Variants in BBS9 observed in about 807,000 individuals in gnomAD.
The protein encoded by BBS9 is protein PTHB1.
BBS9 carries 89 observed loss-of-function variants against 117.7 expected under a neutral mutation model. The ratio of observed to expected loss-of-function variants is 0.76; its 90% CI spans 0.64 to 0.90. BBS9 has a LOEUF of 0.90. BBS9 is among the 40% of genes least tolerant of loss of function. The probability of loss-of-function intolerance (pLI) is 0.00; values close to 1 mark genes in which losing one functional copy is unlikely to be tolerated. For synonymous variants in BBS9, 379 were observed against 370.9 expected (o/e 1.02, Z -0.25); for missense variants, 982 against 1,042.2 (o/e 0.94, Z 0.80).
At chr7:33,198,131 C>T (rs721533) in intron 5 of BBS9, among the ~76,000 whole-genome samples, 126,753 of 151,912 alleles carry the variant, frequency 0.83, 52,879 homozygotes, top group Admixed American at 0.87. Context: ...TTGAAATTTG[C>T]GAACATGAAC....
intron 13 of BBS9, among the ~76,000 whole-genome samples, chr7:33,350,941 A>C (rs901382372): frequency 2.6e-5 from 4 of 152,022 alleles, no homozygotes; most frequent in African/African-American, 7.2e-5. Context: ...TGATCCGCCC[A>C]CCTAGGCCTC....
intron 21 of BBS9, among the ~76,000 whole-genome samples, chr7:33,558,514 A>G (rs1855627498): frequency 6.6e-6 from 1 of 152,140 alleles, no homozygotes; most frequent in African/African-American, 2.4e-5. Flanking sequence ...GGGGAGAATG[A>G]TGTGAGATGG....
chr7:33,179,927 C>T (rs1797861381), intron 5 of BBS9, among the ~76,000 whole-genome samples: 1 of 152,130 alleles, frequency 6.6e-6, no homozygotes, highest in Admixed American at 6.6e-5. Context: ...AGTTCTTTGT[C>T]CTTCATTTTA....
intron 5 of BBS9, among the ~76,000 whole-genome samples, chr7:33,244,094 G>T (rs1439802682): frequency 6.6e-6 from 1 of 152,114 alleles, no homozygotes; most frequent in African/African-American, 2.4e-5. Context: ...GCCAGAAGTG[G>T]TGCCACATGG....
chr7:33,270,270 G>A (rs943709452), intron 7 of BBS9, among the ~76,000 whole-genome samples: 7 of 152,098 alleles, frequency 4.6e-5, no homozygotes, highest in Non-Finnish European at 7.3e-5. Flanking sequence ...AAAAAAACCA[G>A]TGCAAGAACT....
At chr7:33,295,708 C>T (rs897146284) in intron 9 of BBS9, among the ~76,000 whole-genome samples, 6 of 151,884 alleles carry the variant, frequency 4.0e-5, no homozygotes, top group Non-Finnish European at 7.4e-5. Flanking sequence ...GATATGGTTT[C>T]TTGATAAATC....
intron 19 of BBS9, among the ~76,000 whole-genome samples, chr7:33,427,845 A>G (rs924764224): frequency 6.6e-6 from 1 of 152,124 alleles, no homozygotes; most frequent in Admixed American, 6.5e-5. Context: ...TAAGCGTAGG[A>G]TATTTTCTTA....
At chr7:33,476,373 G>C (rs1841806038) in intron 19 of BBS9, among the ~76,000 whole-genome samples, 1 of 152,168 alleles carries the variant, frequency 6.6e-6, no homozygotes, top group African/African-American at 2.4e-5. Context: ...TATCTTAGAG[G>C]GATGCAGGCA....
At chr7:33,600,368 G>C (rs1037359512) in intron 21 of BBS9, among the ~76,000 whole-genome samples, 8 of 148,922 alleles carry the variant, frequency 5.4e-5, no homozygotes, top group African/African-American at 2.0e-4. Flanking sequence ...CAAAAGTATT[G>C]GTTTAGATAG....
chr7:33,289,969 C>G (rs2128396937), intron 9 of BBS9, among the ~76,000 whole-genome samples: 1 of 151,954 alleles, frequency 6.6e-6, no homozygotes, highest in African/African-American at 2.4e-5. Flanking sequence ...TCACTTGAAC[C>G]TGGGAGGCAG....
intron 19 of BBS9, among the ~76,000 whole-genome samples, chr7:33,406,440 A>G (rs1464819948): frequency 2.0e-5 from 3 of 151,726 alleles, no homozygotes; most frequent in African/African-American, 7.3e-5. Context: ...TTACATTTAA[A>G]GTTAATAGTG....
intron 19 of BBS9, chr7:33,390,375 G>C: frequency 1.0e-6 from 1 of 985,248 alleles, no homozygotes; most frequent in African/African-American, 1.7e-5. Context: ...TTAGCCTCAA[G>C]GTTGAGGTTT....
At chr7:33,613,733 T>C (rs781663369) in intron 21 of BBS9, among the ~76,000 whole-genome samples, 60 of 152,130 alleles carry the variant, frequency 3.9e-4, no homozygotes, top group Non-Finnish European at 8.4e-4. Context: ...TCAGAGTATA[T>C]AGTATTCCCT....
rs116365136 is a variant in BBS9, at chr7:33,614,557, G to A, written c.2522-20620G>A. ...GCAAACCACTGCCCTGTGGTTTGGA[G>A]AAAAATACAGGTGCATACAGAGAAT... On this transcript the variant is annotated intron_variant, in intron 21 of 21. Transcript: ENST00000671952. 5.2e-3 allele frequency among the ~76,000 whole-genome samples: 793 copies of A among 152,110 alleles called. 7 individuals carry two copies. Among genetic ancestry groups the A allele is most frequent in the African/African-American group, 0.019 (775 of 41,508 alleles).
chr7:33,291,345 C>T (rs1312386034), intron 9 of BBS9, among the ~76,000 whole-genome samples: 1 of 152,082 alleles, frequency 6.6e-6, no homozygotes, highest in East Asian at 1.9e-4. Flanking sequence ...TAATTTTTGT[C>T]CAGGTTACCT....
At chr7:33,211,488 T>C (rs1165530182) in intron 5 of BBS9, among the ~76,000 whole-genome samples, 1 of 152,148 alleles carries the variant, frequency 6.6e-6, no homozygotes, top group Non-Finnish European at 1.5e-5. Flanking sequence ...TTTTTGTTTA[T>C]TTTTGATTGT....
chr7:33,225,341 G>A lies in BBS9; in HGVS notation c.443-31895G>A, dbSNP rs553378720. ...GCCTCCCAAGTAGTTGGGACCACTG[G>A]TACCTGCTACCATGCCTAACTTTTT... is the stretch of plus-strand genomic sequence containing the variant. On this transcript the variant is annotated intron_variant, in intron 5 of 22. Transcript: ENST00000242067. 4.6e-5 allele frequency among the ~76,000 whole-genome samples: 7 copies of A among 152,216 alleles called. No individual in the cohort carries two copies. The East Asian group carries it at 1.4e-3, about 29-fold the overall frequency.
At chr7:33,183,656 C>G (rs1181557692) in intron 5 of BBS9, among the ~76,000 whole-genome samples, 1 of 152,176 alleles carries the variant, frequency 6.6e-6, no homozygotes, top group Non-Finnish European at 1.5e-5. Context: ...TTTGAGCTTG[C>G]AAAAGCTTTT....
chr7:33,334,157 T>C (rs1563015340), intron 9 of BBS9, among the ~76,000 whole-genome samples: 2 of 152,210 alleles, frequency 1.3e-5, no homozygotes, highest in African/African-American at 2.4e-5. Context: ...GTTCAGATAA[T>C]TTTTTAGATA....
Sources: gnomAD v4.1 joint callset for allele counts (sites outside exome capture counted in the v4.1 genomes callset) on GRCh38, gnomAD v4.1.1 for gene constraint, MANE v1.5 for transcripts, NCBI Gene and HGNC (gene_info 2026-07-23, HGNC 2026-07-21) for gene names.